ABCA13: variants seen among roughly 807,000 people sequenced by gnomAD.
ABCA13 encodes ATP binding cassette subfamily A member 13.
In ABCA13, 476 loss-of-function variants were observed where a neutral mutation model predicts 478.7. The ratio of observed to expected loss-of-function variants is 0.99; its 90% CI spans 0.92 to 1.07. ABCA13 has a LOEUF of 1.07. Ranked by LOEUF, ABCA13 falls within the 50% of genes least tolerant of loss-of-function variation. ABCA13 has a pLI of 0.00. For synonymous variants in ABCA13, 2,252 were observed against 2,158.9 expected, an observed-to-expected ratio of 1.04 and a Z score of -1.20; for missense variants, 6,060 against 5,910.6, an observed-to-expected ratio of 1.03 and a Z score of -0.83.
chr7:48,433,491 TATATATG>T (rs1822422961), intron 42 of ABCA13, among the ~76,000 whole-genome samples: 1 of 149,416 alleles, frequency 6.7e-6, no homozygotes, highest in African/African-American at 2.4e-5. Context: ...ATTTATGTAT[TATATATG>T]ATATATATTT....
chr7:48,440,668 G>A (rs1345284938), intron 42 of ABCA13, among the ~76,000 whole-genome samples: 1 of 151,802 alleles, frequency 6.6e-6, no homozygotes, highest in South Asian at 2.1e-4. Context: ...TTGTTATCGT[G>A]AGAAGTTAGA....
rs567704155 is a variant in ABCA13, at chr7:48,434,387, A to G, written c.12565+6516A>G. Among the ~76,000 whole-genome samples the G allele has an allele frequency of 6.6e-5, 10 of 151,932 alleles. No individual in the cohort carries two copies. In the South Asian group the frequency reaches 2.1e-3, roughly 32 times the overall value. ...TTTTGTTGTGGTGGTGACTTGTAGA[A>G]GTTCGTTGTTTTCTGGATATTAATC... On this transcript the variant is annotated intron_variant, in intron 42 of 61. Coordinates refer to ENST00000435803, the MANE Select transcript of ABCA13 (RefSeq NM_152701.5).
At chr7:48,484,077 T>C (rs537315960) in intron 47 of ABCA13, among the ~76,000 whole-genome samples, 2 of 152,312 alleles carry the variant, frequency 1.3e-5, no homozygotes, top group Non-Finnish European at 2.9e-5. Context: ...AGTGGGGACT[T>C]GCATGGTTCA....
chr7:48,204,621 C>T (rs1784693979), intron 3 of ABCA13, among the ~76,000 whole-genome samples: 1 of 152,158 alleles, frequency 6.6e-6, no homozygotes, highest in South Asian at 2.1e-4. Flanking sequence ...CTTTGGGGCC[C>T]TCCACAATGA....
chr7:48,285,745 T>C (rs747909962), intron 19 of ABCA13, among the ~76,000 whole-genome samples: 1 of 152,192 alleles, frequency 6.6e-6, no homozygotes, highest in Non-Finnish European at 1.5e-5. Context: ...ATAAACACAT[T>C]ATTGTGTCTT....
chr7:48,287,923 GTCTATTAATTA>G (rs779523499), intron 19 of ABCA13, 26 bp from the exon 20 acceptor site: 1 of 1,531,744 alleles, frequency 6.5e-7, no homozygotes, highest in Non-Finnish European at 9.0e-7. Flanking sequence ...GGAGAGGACT[GTCTATTAATTA>G]TTTCTCTGTG....
chr7:48,269,704 A>C (rs1429816334), intron 16 of ABCA13, among the ~76,000 whole-genome samples: 3 of 152,210 alleles, frequency 2.0e-5, no homozygotes, highest in Admixed American at 1.3e-4. Flanking sequence ...AAGACTGCTA[A>C]AAATAAAAAT....
At chr7:48,541,879 C>T (rs1833966577) in intron 55 of ABCA13, among the ~76,000 whole-genome samples, 1 of 149,012 alleles carries the variant, frequency 6.7e-6, no homozygotes. Context: ...AAAAATCAGA[C>T]ACTCAGAAAC....
Position 48,594,713 on chromosome 7 carries a change from G to A in ABCA13, c.14644G>A (p.Glu4882Lys), listed in dbSNP as rs758605733. Residue 4882 changes from glutamate (E) to lysine (K), a missense_variant, in exon 58 of 62, where the codon GAG (glutamate) becomes AAG (lysine). Physicochemically the swap from Glu to Lys is moderately conservative, Grantham distance 56 (BLOSUM62 1). Around this residue, in one of 3 missense-constraint regions of ABCA13, gnomAD observed 1,627 missense variants for 1,571.0 expected, o/e 1.04. Coordinates refer to ENST00000435803, the MANE Select transcript of ABCA13 (RefSeq NM_152701.5). ...CTCTGTGTTGCCTTTCCTTCAGGAT[G>A]AGCCCAGCTCTGGGATGGATCCCTG... The part of the protein sequence containing the change: ...VGKPDILLLD[E>K]PSSGMDPCSK... 8.1e-6 allele frequency: 13 copies of A among 1,613,716 alleles called. No individual in the cohort carries two copies. Among genetic ancestry groups the A allele is most frequent in the East Asian group, 2.2e-5 (1 of 44,870 alleles).
chr7:48,237,578 G>C (rs1378976599), intron 8 of ABCA13, among the ~76,000 whole-genome samples: 1 of 152,154 alleles, frequency 6.6e-6, no homozygotes. Flanking sequence ...GTTTCACAGG[G>C]CCCTTTCCAT....
At chr7:48,422,712 T>C (rs1373295640) in intron 41 of ABCA13, among the ~76,000 whole-genome samples, 1 of 152,210 alleles carries the variant, frequency 6.6e-6, no homozygotes, top group Non-Finnish European at 1.5e-5. Flanking sequence ...CCCAGCGACG[T>C]CCACGTCCTT....
At chr7:48,609,481 A>T (rs551317488) in intron 58 of ABCA13, among the ~76,000 whole-genome samples, 1 of 152,268 alleles carries the variant, frequency 6.6e-6, no homozygotes, top group South Asian at 2.1e-4. Flanking sequence ...TTTTGAGTTT[A>T]TTTATCATTG....
chr7:48,643,208 C>T, intron 59 of ABCA13, 80 bp from the exon 60 acceptor site: 2 of 868,130 alleles, frequency 2.3e-6, no homozygotes, highest in African/African-American at 1.7e-5. Context: ...TTTTCTCCCT[C>T]TGTGTGAAAA....
chr7:48,482,348 C>A (rs1351058019), intron 46 of ABCA13, among the ~76,000 whole-genome samples: 1 of 151,914 alleles, frequency 6.6e-6, no homozygotes, highest in Non-Finnish European at 1.5e-5. Flanking sequence ...GGAAGACAAA[C>A]CAGAGTGGCT....
intron 43 of ABCA13, among the ~76,000 whole-genome samples, chr7:48,457,978 A>G (rs554680074): frequency 1.3e-5 from 2 of 152,322 alleles, no homozygotes; most frequent in Admixed American, 6.5e-5. Flanking sequence ...GGCGAGAAGA[A>G]TAACTATCAT....
intron 59 of ABCA13, chr7:48,626,691 T>A: frequency 1.0e-6 from 1 of 985,326 alleles, no homozygotes; most frequent in South Asian, 4.7e-5. Context: ...AACACGATAA[T>A]AGAACTTTAC....
intron 1 of ABCA13, among the ~76,000 whole-genome samples, chr7:48,184,341 T>G (rs1308880958): frequency 6.6e-6 from 1 of 152,202 alleles, no homozygotes; most frequent in East Asian, 1.9e-4. Context: ...TTATACATGT[T>G]GAAATAGATG....
At chr7:48,263,251 T>A (rs920748227) in intron 15 of ABCA13, among the ~76,000 whole-genome samples, 1 of 151,966 alleles carries the variant, frequency 6.6e-6, no homozygotes, top group Non-Finnish European at 1.5e-5. Flanking sequence ...TTGTTATGCA[T>A]TCATCATTAG....
chr7:48,458,243 T>G (rs890300965), intron 43 of ABCA13, among the ~76,000 whole-genome samples: 1 of 152,246 alleles, frequency 6.6e-6, no homozygotes, highest in African/African-American at 2.4e-5. Flanking sequence ...GGCACAGGAA[T>G]GATTCAAAAG....
Sources: allele counts gnomAD v4.1 joint callset (sites outside exome capture counted in the v4.1 genomes callset), GRCh38; gene constraint gnomAD v4.1.1; regional missense constraint gnomAD v4.1.1; transcripts MANE v1.5; gene names NCBI Gene and HGNC (gene_info 2026-07-23, HGNC 2026-07-21).